TCF4: variants seen among roughly 807,000 people sequenced by gnomAD.
TCF4 encodes SL3-3 enhancer factor 2.
Under a neutral mutation model 82.1 loss-of-function variants are expected in TCF4, and 3 were observed. That is an observed-to-expected ratio of 0.04 (90% CI 0.02 to 0.09). The LOEUF (loss-of-function observed/expected upper bound fraction) is 0.09. TCF4 is among the 10% of genes least tolerant of loss of function. The pLI, the probability that TCF4 is intolerant of heterozygous loss-of-function variation, is 1.00. For synonymous variants in TCF4, 276 were observed against 309.6 expected (o/e 0.89, Z 1.14); for missense variants, 518 against 852.7 (o/e 0.61, Z 4.89).
chr18:55,321,627 T>C (rs1445747345), intron 8 of TCF4: 3 of 1,536,004 alleles, frequency 2.0e-6, no homozygotes, highest in Non-Finnish European at 2.6e-6. Flanking sequence ...CCTGCGACAA[T>C]AAAACTTGTC....
intron 9 of TCF4, among the ~76,000 whole-genome samples, chr18:55,279,224 A>T (rs2062043051): frequency 6.6e-6 from 1 of 152,192 alleles, no homozygotes; most frequent in African/African-American, 2.4e-5. Context: ...AACCACTTCT[A>T]AACAAACAGC....
chr18:55,413,322 G>A (rs2094421927), intron 5 of TCF4, among the ~76,000 whole-genome samples: 1 of 152,144 alleles, frequency 6.6e-6, no homozygotes, highest in Non-Finnish European at 1.5e-5. Flanking sequence ...CCCTAAACAT[G>A]CACTACTGAG....
chr18:55,260,058 C>T (rs767552180), intron 12 of TCF4, 31 bp from the exon 13 acceptor site: 2 of 1,474,098 alleles, frequency 1.4e-6, no homozygotes, highest in African/African-American at 1.4e-5. Flanking sequence ...AAAAAAACAC[C>T]CTCATTCATT....
chr18:55,524,282 C>T (rs1488419549), intron 3 of TCF4, among the ~76,000 whole-genome samples: 3 of 151,910 alleles, frequency 2.0e-5, no homozygotes, highest in African/African-American at 7.3e-5. Flanking sequence ...TCATTAATAA[C>T]CACCTTATTA....
At chr18:55,490,248 T>C (rs2096562208) in intron 3 of TCF4, among the ~76,000 whole-genome samples, 1 of 152,180 alleles carries the variant, frequency 6.6e-6, no homozygotes, top group Admixed American at 6.5e-5. Context: ...GCAGGCTCCT[T>C]TAAAAAGGCA....
chr18:55,333,411 T>C (rs917926683), intron 8 of TCF4, among the ~76,000 whole-genome samples: 4 of 151,908 alleles, frequency 2.6e-5, no homozygotes, highest in African/African-American at 4.8e-5. Flanking sequence ...ATACTTGAGA[T>C]ATTTTATCTC....
intron 5 of TCF4, among the ~76,000 whole-genome samples, chr18:55,459,315 G>A (rs1444999884): frequency 6.6e-6 from 1 of 152,206 alleles, no homozygotes; most frequent in South Asian, 2.1e-4. Flanking sequence ...AGTTGCCCAT[G>A]AGGAAACATG....
chr18:55,229,174 C>T, intron 17 of TCF4, 98 bp from the exon 18 acceptor site: 1 of 1,374,156 alleles, frequency 7.3e-7, no homozygotes, highest in Non-Finnish European at 1.0e-6. Flanking sequence ...GGGAACTTTT[C>T]CATCTTATGC....
intron 8 of TCF4, among the ~76,000 whole-genome samples, chr18:55,312,763 G>A (rs943280889): frequency 6.6e-6 from 1 of 152,168 alleles, no homozygotes; most frequent in Non-Finnish European, 1.5e-5. Flanking sequence ...AAGCATGCAA[G>A]AGGTGTGCTG....
intron 6 of TCF4, among the ~76,000 whole-genome samples, chr18:55,357,222 T>C (rs1011706808): frequency 6.6e-6 from 1 of 152,212 alleles, no homozygotes; most frequent in East Asian, 1.9e-4. Flanking sequence ...TCATCTATTA[T>C]ATATTAAAAG....
intron 3 of TCF4, among the ~76,000 whole-genome samples, chr18:55,518,089 C>A (rs2096900110): frequency 6.6e-6 from 1 of 152,120 alleles, no homozygotes; most frequent in Non-Finnish European, 1.5e-5. Flanking sequence ...CTTATTGAAA[C>A]ACCTTGAATG....
intron 5 of TCF4, among the ~76,000 whole-genome samples, chr18:55,423,903 G>C (rs1024599195): frequency 6.6e-6 from 1 of 152,132 alleles, no homozygotes; most frequent in Non-Finnish European, 1.5e-5. Flanking sequence ...GGTGGTGACT[G>C]GGCGGAAGGG....
At chr18:55,336,295 G>A (rs1401406165) in intron 8 of TCF4, among the ~76,000 whole-genome samples, 1 of 151,806 alleles carries the variant, frequency 6.6e-6, no homozygotes, top group Non-Finnish European at 1.5e-5. Context: ...GAGTATGTCT[G>A]TGTATACATT....
At chr18:55,439,211 G>A (rs2095391048) in intron 5 of TCF4, among the ~76,000 whole-genome samples, 2 of 152,168 alleles carry the variant, frequency 1.3e-5, no homozygotes, top group South Asian at 4.1e-4. Context: ...GCCACTGGTG[G>A]GGAGCAACAA....
chr18:55,622,422 G>A (rs182260567), intron 2 of TCF4, among the ~76,000 whole-genome samples: 205 of 149,726 alleles, frequency 1.4e-3, no homozygotes, highest in African/African-American at 4.3e-3. Flanking sequence ...CAGGAGAGTC[G>A]CTTGAACCCG....
At chr18:55,346,933 A>G (rs2144646314) in intron 8 of TCF4, among the ~76,000 whole-genome samples, 1 of 152,264 alleles carries the variant, frequency 6.6e-6, no homozygotes, top group Non-Finnish European at 1.5e-5. Flanking sequence ...ATTTTTTTCC[A>G]ACTTTAATTT....
At position 55,631,518 on chromosome 18, in the gene TCF4, A is replaced by T. The variant is rs7243878; in HGVS notation, c.196-130T>A. The T allele has an allele frequency of 2.6e-3, 2,144 of 822,624 alleles. 35 individuals carry two copies. In the African/African-American group the frequency reaches 0.033, roughly 13 times the overall value. The allele number at this position is 822,624 out of a possible 1,614,324, so 51.0% of individuals were successfully genotyped here. A position where few individuals can be genotyped will look rare whatever the true frequency, so the allele number is the denominator to read the frequency against. ...AGGGTAATGCCCTACAGGGATGAAG[A>T]CAAGTGCACAGAAACTCTTGACAAA... is the stretch of plus-strand genomic sequence containing the variant. On this transcript the variant is annotated intron_variant, in intron 1 of 20. Transcript: ENST00000398339.
chr18:55,568,167 A>G (rs1297347242), intron 3 of TCF4, among the ~76,000 whole-genome samples: 4 of 119,984 alleles, frequency 3.3e-5, no homozygotes, highest in Non-Finnish European at 6.3e-5. Flanking sequence ...CTCTATTTAG[A>G]AAAAAAAAAA....
At chr18:55,517,123 T>A (rs1350511518) in intron 3 of TCF4, among the ~76,000 whole-genome samples, 3 of 152,288 alleles carry the variant, frequency 2.0e-5, no homozygotes, top group East Asian at 3.9e-4. Context: ...AATAACACCA[T>A]CCTTCACCCA....
Sources: allele counts gnomAD v4.1 joint callset (sites outside exome capture counted in the v4.1 genomes callset), GRCh38; gene constraint gnomAD v4.1.1; transcripts MANE v1.5; gene names NCBI Gene and HGNC (gene_info 2026-07-23, HGNC 2026-07-21).